Variants in GDE1 observed in about 807,000 individuals in gnomAD.
GDE1 encodes the protein RGS16-interacting membrane protein.
Under a neutral mutation model 32.2 loss-of-function variants are expected in GDE1, and 24 were observed. The observed-to-expected ratio is 0.75, with a 90% CI of 0.54 to 1.05. The LOEUF is 1.05. Among genes scored for constraint, GDE1 ranks in the 50% least tolerant of loss-of-function variants. GDE1 has a pLI of 0.00. For synonymous variants in GDE1, 159 were observed against 158.6 expected (o/e 1.00, Z -0.02); for missense variants, 380 against 415.0 (o/e 0.92, Z 0.73).
chr16:19,514,200 G>C (rs1969352692), intron 2 of GDE1, among the ~76,000 whole-genome samples: 1 of 152,058 alleles, frequency 6.6e-6, no homozygotes, highest in African/African-American at 2.4e-5. Context: ...TTGTTAGAGT[G>C]GCTTGCGGAA....
At chr16:19,510,785 T>A in intron 3 of GDE1, 54 bp downstream of exon 3, 2 of 754,578 alleles carry the variant, frequency 2.7e-6, no homozygotes, top group South Asian at 4.1e-5. Flanking sequence ...GAAATGACCG[T>A]CAATGAAATA....
Position 19,505,055 on chromosome 16 carries a change from G to C in GDE1, c.674C>G (p.Thr225Ser). ...QTDRDVITAL[T>S]HRPWSLSHTG... ...ATGGCTTAGGCTCCAAGGTCTGTGA[G>C]TTAATGCTGTTATTACATCCCGATC... Residue 225 changes from threonine to serine, a missense_variant, in exon 5 of 6, where the codon ACT becomes AGT. Physicochemically the swap from Thr to Ser is moderately conservative, Grantham distance 58. Transcript: ENST00000353258. 6.2e-7 allele frequency: 1 copy of C among 1,612,498 alleles called. No homozygotes were observed. The highest frequency in any genetic ancestry group is 8.5e-7 in the Non-Finnish European group (1 of 1,178,484).
At chr16:19,505,247 G>C (rs1408574193) in intron 4 of GDE1, 155 bp from the exon 5 acceptor site, 17 of 605,762 alleles carry the variant, frequency 2.8e-5, no homozygotes, top group African/African-American at 5.6e-5. Context: ...TAAACCCTTT[G>C]AGAAAATAAT....
chr16:19,508,572 A>G (rs949621942), intron 3 of GDE1, among the ~76,000 whole-genome samples: 1 of 152,238 alleles, frequency 6.6e-6, no homozygotes, highest in Non-Finnish European at 1.5e-5. Context: ...AAAAAAGGAC[A>G]CAAATTATCC....
chr16:19,521,391 T>A, intron 1 of GDE1: 1 of 356,828 alleles, frequency 2.8e-6, no homozygotes, highest in Non-Finnish European at 5.1e-6. Context: ...ATGTGTTTAC[T>A]TGTTTAAGGC....
intron 3 of GDE1, among the ~76,000 whole-genome samples, chr16:19,510,629 A>G (rs1416339540): frequency 6.6e-6 from 1 of 152,148 alleles, no homozygotes. Flanking sequence ...CTGGTTTTGT[A>G]AAGTTTCCAT....
chr16:19,516,885 A>G (rs532594734), intron 2 of GDE1, 129 bp downstream of exon 2: 2 of 710,022 alleles, frequency 2.8e-6, no homozygotes, highest in Non-Finnish European at 4.6e-6. Flanking sequence ...CTCATTACTT[A>G]CAAGACCTAC....
At chr16:19,520,969 G>A (rs1045266995) in intron 1 of GDE1, among the ~76,000 whole-genome samples, 3 of 152,278 alleles carry the variant, frequency 2.0e-5, no homozygotes, top group East Asian at 1.9e-4. Context: ...TTGTGCGAGT[G>A]CGAATGTGTG....
In GDE1 at chr16:19,503,473, GA is replaced by G; in HGVS notation, c.992del (p.Phe331SerfsTer53). 1 of 1,613,816 alleles carries G rather than the reference GA, an allele frequency of 6.2e-7. No homozygotes were observed. The highest frequency in any genetic ancestry group is 8.5e-7 in the Non-Finnish European group (1 of 1,179,794). ...DSMVEDCEPH[F>X] ...CGTTTCGTCCCACCGTGAAAGTCTA[GA>G]AGTGAGGTTCGCAGTCTTCTACCAT... is the stretch of plus-strand genomic sequence containing the variant. On this transcript the variant is annotated frameshift_variant, in exon 6 of 6. Coordinates refer to ENST00000353258, the MANE Select transcript of GDE1 (RefSeq NM_016641.4). LOFTEE classifies it high-confidence loss of function.
Position 19,521,727 on chromosome 16 carries a change from T to A in GDE1, c.238A>T (p.Asn80Tyr), listed in dbSNP as rs770146566. Residue 80 changes from asparagine (N) to tyrosine (Y), a missense_variant, in exon 1 of 6, where the codon AAC becomes TAC. By Grantham distance (143) the Asn-to-Tyr change is moderately radical. Coordinates refer to ENST00000353258, the MANE Select transcript of GDE1 (RefSeq NM_016641.4). ...HRGGSHDAPE[N>Y]TLAAIRQAAK... ...ACCTGCCGAATGGCCGCCAGCGTGT[T>A]CTCGGGCGCGTCGTGGCTGCCGCCA... 5 of 1,612,032 alleles carry A rather than the reference T, an allele frequency of 3.1e-6. No homozygotes were observed. In the African/African-American group the frequency reaches 5.3e-5, roughly 17 times the overall value.
chr16:19,502,714 T>C lies in GDE1; in HGVS notation c.*756A>G, dbSNP rs990135409. On this transcript the variant is annotated 3_prime_UTR_variant, in exon 6 of 6. Coordinates refer to ENST00000353258, the MANE Select transcript of GDE1 (RefSeq NM_016641.4). The stretch of plus-strand genomic sequence containing the variant: ...CTTCCACAGAGTTTAGTTTCCTCAT[T>C]TGTAAAATGAGGACAAACCTAGATA... The C allele has an allele frequency of 2.6e-5, 4 of 152,150 alleles. No individual in the cohort carries two copies. The highest frequency in any genetic ancestry group is 9.7e-5 in the African/African-American group (4 of 41,430). 9.4% of individuals were successfully genotyped at this position (152,150 alleles called of 1,614,324 possible). A position where few individuals can be genotyped will look rare whatever the true frequency, so the allele number is the denominator to read the frequency against.
At position 19,503,318 on chromosome 16, in the gene GDE1, A is replaced by C; in HGVS notation, c.*152T>G. On this transcript the variant is annotated 3_prime_UTR_variant, in exon 6 of 6. Coordinates refer to ENST00000353258, the MANE Select transcript of GDE1 (RefSeq NM_016641.4). ...GGTGCATGGTGGCAACACCGGGTTT[A>C]GCTTTGGTTCAGGTAAAAATGCAGT... The C allele has an allele frequency of 1.5e-6, 1 of 665,018 alleles. No individual in the cohort carries two copies. Among genetic ancestry groups the C allele is most frequent in the Non-Finnish European group, 2.6e-6 (1 of 388,950 alleles). The allele number at this position is 665,018 out of a possible 1,614,324, so 41.2% of individuals were successfully genotyped here.
At chr16:19,505,148 T>C in intron 4 of GDE1, 56 bp from the exon 5 acceptor site, 1 of 1,212,132 alleles carries the variant, frequency 8.2e-7, no homozygotes, top group Non-Finnish European at 1.2e-6. Context: ...TGAATACTTA[T>C]TAGTTTAGAT....
chr16:19,516,372 A>G (rs1478201111), intron 2 of GDE1, among the ~76,000 whole-genome samples: 1 of 152,176 alleles, frequency 6.6e-6, no homozygotes, highest in Non-Finnish European at 1.5e-5. Context: ...GGCAAGATTG[A>G]TCTAGATCTG....
intron 1 of GDE1, among the ~76,000 whole-genome samples, chr16:19,517,953 T>C (rs1969402679): frequency 6.6e-6 from 1 of 151,778 alleles, no homozygotes; most frequent in Admixed American, 6.6e-5. Flanking sequence ...AGTGGCATGA[T>C]CTCGGCTCAC....
At chr16:19,515,433 AT>A (rs1210919423) in intron 2 of GDE1, among the ~76,000 whole-genome samples, 4 of 152,088 alleles carry the variant, frequency 2.6e-5, no homozygotes, top group South Asian at 4.1e-4. Context: ...GAAAATCACA[AT>A]TTTTTTTCCT....
At chr16:19,518,854 A>G (rs1236302114) in intron 1 of GDE1, among the ~76,000 whole-genome samples, 1 of 152,134 alleles carries the variant, frequency 6.6e-6, no homozygotes, top group African/African-American at 2.4e-5. Flanking sequence ...TCCTTTTCCC[A>G]TGTGATACAG....
rs1397615706 is a variant in GDE1 at position 19,521,894 on chromosome 16, A to G, written c.71T>C (p.Val24Ala). 3 of 1,600,458 alleles carry G rather than the reference A, an allele frequency of 1.9e-6. No individual in the cohort carries two copies. The African/African-American group carries it at 4.0e-5, about 21-fold the overall frequency. ...GCAGGCATTGACCGGGCTCCGCGTC[A>G]CCAGCAGCAGCACTAGCAGCAGGAA... is the stretch of plus-strand genomic sequence containing the variant. Reference protein sequence around the residue: ...FSFLLLVLLLVTRSPVNACLL... With the variant: ...FSFLLLVLLLATRSPVNACLL... Residue 24 changes from valine (V) to alanine (A), a missense_variant, in exon 1 of 6, where the codon GTG becomes GCG. Transcript: ENST00000353258.
At chr16:19,515,075 A>C (rs1187901527) in intron 2 of GDE1, among the ~76,000 whole-genome samples, 8 of 151,838 alleles carry the variant, frequency 5.3e-5, no homozygotes, top group Admixed American at 3.3e-4. Flanking sequence ...TCAAAAAAAA[A>C]AAAAAAAAAG....
Sources: allele counts gnomAD v4.1 joint callset (sites outside exome capture counted in the v4.1 genomes callset), GRCh38; gene constraint gnomAD v4.1.1; transcripts MANE v1.5; gene names NCBI Gene and HGNC (gene_info 2026-07-23, HGNC 2026-07-21).